Variants in PARD3B observed in about 807,000 individuals in gnomAD.
PARD3B encodes the protein partitioning defective 3 homolog B.
PARD3B carries 103 observed loss-of-function variants against 130.2 expected under a neutral mutation model. The ratio of observed to expected loss-of-function variants is 0.79; its 90% CI spans 0.67 to 0.93. The LOEUF is 0.93. Ranked by LOEUF, PARD3B falls within the 40% of genes least tolerant of loss-of-function variation. The pLI is 0.00. For missense variants in PARD3B, 1,609 were observed against 1,499.2 expected (o/e 1.07, Z -1.21); for synonymous variants, 583 against 553.2 (o/e 1.05, Z -0.76).
chr2:204,682,660 T>C (rs540553527), intron 1 of PARD3B, among the ~76,000 whole-genome samples: 35 of 152,184 alleles, frequency 2.3e-4, no homozygotes, highest in Middle Eastern at 3.2e-3. Context: ...AAAAATCGGC[T>C]TTTCCTTTGC....
chr2:204,555,458 C>T (rs112231562), intron 1 of PARD3B, among the ~76,000 whole-genome samples: 9,254 of 151,916 alleles, frequency 0.061, 912 homozygotes, highest in African/African-American at 0.21. Flanking sequence ...CTTGAGAGGC[C>T]GAGGCAGGAG....
intron 20 of PARD3B, among the ~76,000 whole-genome samples, chr2:205,472,339 TTTTCTTACA>T (rs1239533339): frequency 6.6e-6 from 1 of 152,088 alleles, no homozygotes; most frequent in African/African-American, 2.4e-5. Context: ...GTTGTCCTAG[TTTTCTTACA>T]ATTAGCACCC....
At chr2:205,250,466 G>A (rs942695469) in intron 16 of PARD3B, among the ~76,000 whole-genome samples, 22 of 152,148 alleles carry the variant, frequency 1.4e-4, no homozygotes, top group Non-Finnish European at 2.2e-4. Flanking sequence ...ACAGGCAAGT[G>A]TGTGAAAGTA....
chr2:204,845,639 G>A (rs2044431339), intron 2 of PARD3B, among the ~76,000 whole-genome samples: 1 of 152,000 alleles, frequency 6.6e-6, no homozygotes, highest in Non-Finnish European at 1.5e-5. Flanking sequence ...TAAGAGTATG[G>A]CTGATTTCTT....
intron 4 of PARD3B, among the ~76,000 whole-genome samples, chr2:205,053,119 C>T (rs1047056904): frequency 2.0e-5 from 3 of 151,832 alleles, no homozygotes; most frequent in Non-Finnish European, 4.4e-5. Context: ...AATATGATGA[C>T]GTGTTGATTT....
In PARD3B at chr2:204,967,468, T is replaced by A. The variant is rs1691350453; in HGVS notation, c.394+2145T>A. Among the ~76,000 whole-genome samples the A allele has an allele frequency of 6.6e-6, 1 of 152,116 alleles. No individual in the cohort carries two copies. The highest frequency in any genetic ancestry group is 1.5e-5 in the Non-Finnish European group (1 of 68,022). Reference sequence around the variant, plus strand: ...CACAAATCTGATTATGTAATATAACTCCCCTGCTTAACGACCTTCACTGGC... The same window carrying A: ...CACAAATCTGATTATGTAATATAACACCCCTGCTTAACGACCTTCACTGGC... On this transcript the variant is annotated intron_variant, in intron 3 of 22. Transcript: ENST00000406610. This position sits in a 1 kb window ranked among gnomAD's most constrained non-coding sequence, Gnocchi z 4.4.
intron 22 of PARD3B, among the ~76,000 whole-genome samples, chr2:205,573,223 A>G (rs930277135): frequency 6.6e-6 from 1 of 152,158 alleles, no homozygotes; most frequent in African/African-American, 2.4e-5. Context: ...CAACCAAGCC[A>G]TATCAGTGGG....
rs2053730011 is a variant in PARD3B, at chr2:205,575,555, T to C, written c.3260+22152T>C. Among the ~76,000 whole-genome samples, 1 of 152,180 alleles carries C rather than the reference T, an allele frequency of 6.6e-6. No individual in the cohort carries two copies. Among genetic ancestry groups the C allele is most frequent in the African/African-American group, 2.4e-5 (1 of 41,456 alleles). On this transcript the variant is annotated intron_variant, in intron 22 of 22. Coordinates refer to ENST00000406610, the MANE Select transcript of PARD3B (RefSeq NM_001302769.2). The surrounding 1 kb of genome is among the most constrained non-coding windows in gnomAD (Gnocchi z 4.6). Reference sequence around the variant, plus strand: ...ATACCCCACTCCACACCATTACCCCTAGCTACTATTGATCTTTTTGCTGTC... The same window carrying C: ...ATACCCCACTCCACACCATTACCCCCAGCTACTATTGATCTTTTTGCTGTC...
chr2:205,381,070 T>TATATATTATATATAAAGA (rs1559035673), intron 18 of PARD3B, among the ~76,000 whole-genome samples: 1,204 of 32,320 alleles, frequency 0.037, 299 homozygotes, highest in African/African-American at 0.067. Flanking sequence ...GAATATATAT[T>TATATATTATATATAAAGA]ATATATATTA....
At chr2:205,314,436 C>G (rs954467165) in intron 18 of PARD3B, among the ~76,000 whole-genome samples, 5 of 152,172 alleles carry the variant, frequency 3.3e-5, no homozygotes, top group Admixed American at 3.3e-4. Context: ...CTCTGTAGCA[C>G]CCATACTTAT....
At chr2:205,513,781 A>G (rs2050683207) in intron 21 of PARD3B, among the ~76,000 whole-genome samples, 1 of 152,122 alleles carries the variant, frequency 6.6e-6, no homozygotes, top group African/African-American at 2.4e-5. Context: ...TCTGCTGGGA[A>G]AGGCAGACAG....
intron 2 of PARD3B, among the ~76,000 whole-genome samples, chr2:204,757,108 C>G (rs2125400438): frequency 6.6e-6 from 1 of 152,284 alleles, no homozygotes; most frequent in South Asian, 2.1e-4. Flanking sequence ...CTTTTTATGG[C>G]TGTGCAGTAT....
intron 2 of PARD3B, among the ~76,000 whole-genome samples, chr2:204,870,966 T>C (rs1030510120): frequency 5.3e-5 from 8 of 152,166 alleles, no homozygotes; most frequent in Non-Finnish European, 1.0e-4. Flanking sequence ...TAAAACATAA[T>C]AAAAGATTTA....
rs377251218 is a variant in PARD3B, at chr2:205,446,683, TA to T, written c.3044+6020del. ...AGATTCATCTATAAATGACAGTGGTTAAAAAAAAATTTCTACCACCAGGACA... is the reference window on the plus strand; with the variant it reads ...AGATTCATCTATAAATGACAGTGGTTAAAAAAAATTTCTACCACCAGGACA... On this transcript the variant is annotated intron_variant, in intron 20 of 22. Coordinates refer to ENST00000406610, the MANE Select transcript of PARD3B (RefSeq NM_001302769.2). The surrounding 1 kb of genome is among the most constrained non-coding windows in gnomAD (Gnocchi z 4.4). Among the ~76,000 whole-genome samples, 817 of 151,860 alleles carry T rather than the reference TA, an allele frequency of 5.4e-3. 10 individuals are homozygous for T. Among genetic ancestry groups the T allele is most frequent in the African/African-American group, 0.019 (771 of 41,426 alleles).
intron 2 of PARD3B, among the ~76,000 whole-genome samples, chr2:204,764,963 T>C (rs1294024348): frequency 6.6e-6 from 1 of 152,136 alleles, no homozygotes; most frequent in African/African-American, 2.4e-5. Flanking sequence ...CTGATTAATA[T>C]TCCAGTGAGA....
At chr2:205,198,216 G>A (rs1285873236) in intron 15 of PARD3B, among the ~76,000 whole-genome samples, 4 of 152,130 alleles carry the variant, frequency 2.6e-5, no homozygotes, top group African/African-American at 9.7e-5. Context: ...ATTTCAGAAG[G>A]GTGTTCTATA....
chr2:205,195,293 C>A (rs1037524080), intron 15 of PARD3B, among the ~76,000 whole-genome samples: 1 of 152,062 alleles, frequency 6.6e-6, no homozygotes, highest in Non-Finnish European at 1.5e-5. Context: ...TTCTTCAGGA[C>A]CCTAGTACCA....
chr2:204,984,124 T>TTA (rs1333703336), intron 3 of PARD3B, among the ~76,000 whole-genome samples: 1 of 151,870 alleles, frequency 6.6e-6, no homozygotes, highest in African/African-American at 2.4e-5. Context: ...TAAATCAAAA[T>TTA]TATATATATA....
intron 2 of PARD3B, among the ~76,000 whole-genome samples, chr2:204,709,000 T>TA (rs1411005624): frequency 6.6e-6 from 1 of 152,192 alleles, no homozygotes; most frequent in Non-Finnish European, 1.5e-5. Context: ...TTTTCTAATT[T>TA]AGCATAGTAC....
Sources: gnomAD v4.1 joint callset for allele counts (sites outside exome capture counted in the v4.1 genomes callset) on GRCh38, gnomAD v4.1.1 for gene constraint, Gnocchi (gnomAD v3.1) non-coding constraint, MANE v1.5 for transcripts, NCBI Gene and HGNC (gene_info 2026-07-23, HGNC 2026-07-21) for gene names.